Variants in PDE4D observed in about 807,000 individuals in gnomAD.
PDE4D encodes 3',5'-cyclic-AMP phosphodiesterase 4D.
In PDE4D, 24 loss-of-function variants were observed where a neutral mutation model predicts 87.4. The observed-to-expected ratio is 0.27, with a 90% CI of 0.20 to 0.39. PDE4D has a LOEUF of 0.39. PDE4D is among the 10% of genes least tolerant of loss of function. The pLI is 1.00. For synonymous variants in PDE4D, 384 were observed against 383.2 expected, an observed-to-expected ratio of 1.00 and a Z score of -0.02; for missense variants, 714 against 1,041.0, an observed-to-expected ratio of 0.69 and a Z score of 4.32.
intron 1 of PDE4D, among the ~76,000 whole-genome samples, chr5:59,413,457 C>CAAAAAAAAAAAAAAAAA (rs34074485): frequency 9.7e-4 from 53 of 54,422 alleles, no homozygotes; most frequent in East Asian, 4.3e-3. Flanking sequence ...GACTCCATCT[C>CAAAAAAAAAAAAAAAAA]AAAAAAAAAA....
chr5:60,462,988 T>C (rs1472102240), intron 1 of PDE4D, among the ~76,000 whole-genome samples: 1 of 152,108 alleles, frequency 6.6e-6, no homozygotes, highest in Non-Finnish European at 1.5e-5. Context: ...AGGTTGACAT[T>C]CCAAATAAAA....
intron 1 of PDE4D, among the ~76,000 whole-genome samples, chr5:60,306,779 G>C (rs1416000761): frequency 6.6e-6 from 1 of 152,010 alleles, no homozygotes; most frequent in African/African-American, 2.4e-5. Context: ...TGATGAAACT[G>C]ATCCAGAAAG....
chr5:59,871,118 A>G (rs1450393108), intron 1 of PDE4D, among the ~76,000 whole-genome samples: 2 of 152,204 alleles, frequency 1.3e-5, no homozygotes, highest in Non-Finnish European at 2.9e-5. Context: ...AATATGGCAA[A>G]GTTAAAGGAT....
chr5:59,880,828 A>AT (rs1253336725), intron 1 of PDE4D, among the ~76,000 whole-genome samples: 2 of 152,042 alleles, frequency 1.3e-5, no homozygotes, highest in African/African-American at 4.8e-5. Context: ...CCCTAAATAC[A>AT]TTTTTTTCTG....
At chr5:60,016,794 A>C (rs1175175400) in intron 2 of PDE4D, among the ~76,000 whole-genome samples, 1 of 152,144 alleles carries the variant, frequency 6.6e-6, no homozygotes, top group Non-Finnish European at 1.5e-5. Flanking sequence ...GAAACTTTCA[A>C]AGTCATCATG....
At chr5:60,107,105 C>T (rs201725610) in intron 2 of PDE4D, among the ~76,000 whole-genome samples, 2,813 of 143,420 alleles carry the variant, frequency 0.02, 78 homozygotes, top group African/African-American at 0.069. Flanking sequence ...ATTGATAGAC[C>T]GCTAGCAAGA....
At chr5:60,004,035 A>G (rs571433824) in intron 2 of PDE4D, among the ~76,000 whole-genome samples, 3 of 152,300 alleles carry the variant, frequency 2.0e-5, no homozygotes, top group African/African-American at 7.2e-5. Flanking sequence ...ATGTGCTTAA[A>G]AGAAATTAAA....
chr5:59,691,832 C>T (rs1751002908), intron 1 of PDE4D, among the ~76,000 whole-genome samples: 1 of 151,604 alleles, frequency 6.6e-6, no homozygotes, highest in Non-Finnish European at 1.5e-5. Context: ...TAATACTTTC[C>T]TTTCATTCAA....
At chr5:59,045,713 T>G (rs1324694223) in intron 5 of PDE4D, among the ~76,000 whole-genome samples, 1 of 152,120 alleles carries the variant, frequency 6.6e-6, no homozygotes, top group East Asian at 1.9e-4. Flanking sequence ...CAGGTAGGAC[T>G]ATATCTTCAA....
chr5:59,323,364 C>T (rs1775061369), intron 1 of PDE4D, among the ~76,000 whole-genome samples: 2 of 152,060 alleles, frequency 1.3e-5, no homozygotes, highest in South Asian at 4.1e-4. Flanking sequence ...TTCTATACCA[C>T]TTATTGGTTA....
At chr5:59,818,260 T>C (rs919952858) in intron 1 of PDE4D, among the ~76,000 whole-genome samples, 1 of 152,232 alleles carries the variant, frequency 6.6e-6, no homozygotes, top group Non-Finnish European at 1.5e-5. Context: ...GGCACGTTCC[T>C]TAAATCTCAT....
chr5:60,495,991 A>G (rs960871773), intron 1 of PDE4D, among the ~76,000 whole-genome samples: 20 of 152,222 alleles, frequency 1.3e-4, no homozygotes, highest in African/African-American at 4.8e-4. Context: ...TGAGTTTCAG[A>G]ATGGCTGAGT....
chr5:59,674,509 C>A (rs538067066), intron 1 of PDE4D, among the ~76,000 whole-genome samples: 55 of 152,278 alleles, frequency 3.6e-4, no homozygotes, highest in Non-Finnish European at 6.9e-4. Context: ...CAGGAAACAG[C>A]TTTTCACTTT....
intron 1 of PDE4D, among the ~76,000 whole-genome samples, chr5:60,475,143 C>A (rs192537120): frequency 6.6e-6 from 1 of 152,076 alleles, no homozygotes; most frequent in Admixed American, 6.5e-5. Context: ...TCTTCTCCCC[C>A]CTAATGTTAT....
Position 59,159,200 on chromosome 5 carries a change from C to A in PDE4D, c.808+21395G>T, listed in dbSNP as rs117674982. ...CCAGGCTGGAGTGCTGTGATCATAGCTCATTGCAGCCTAGACCTCTTGGGC... is the reference window on the plus strand; with the variant it reads ...CCAGGCTGGAGTGCTGTGATCATAGATCATTGCAGCCTAGACCTCTTGGGC... On this transcript the variant is annotated intron_variant, in intron 5 of 14. Coordinates refer to ENST00000340635, the MANE Select transcript of PDE4D (RefSeq NM_001104631.2). Among the ~76,000 whole-genome samples the A allele has an allele frequency of 4.4e-3, 666 of 152,210 alleles. 8 individuals carry two copies. The East Asian group carries it at 0.052, about 12-fold the overall frequency.
intron 1 of PDE4D, among the ~76,000 whole-genome samples, chr5:60,409,927 A>G (rs1345130191): frequency 6.6e-6 from 1 of 152,188 alleles, no homozygotes; most frequent in African/African-American, 2.4e-5. Flanking sequence ...TGTGCCTTAA[A>G]GACTCTTGTG....
chr5:60,123,878 C>G (rs1012266862), intron 2 of PDE4D, among the ~76,000 whole-genome samples: 2 of 152,020 alleles, frequency 1.3e-5, no homozygotes, highest in East Asian at 3.8e-4. Context: ...CTATAAAATT[C>G]CAAATAAATT....
chr5:59,356,558 T>C (rs928737736), intron 1 of PDE4D, among the ~76,000 whole-genome samples: 4 of 152,232 alleles, frequency 2.6e-5, no homozygotes, highest in African/African-American at 9.6e-5. Context: ...CTTTTAAAGT[T>C]AGTCAACTTC....
chr5:60,107,030 G>C (rs1473450634), intron 2 of PDE4D, among the ~76,000 whole-genome samples: 6 of 151,876 alleles, frequency 4.0e-5, no homozygotes, highest in African/African-American at 9.7e-5. Context: ...GAAGGAAATA[G>C]AGACACAAAA....
Sources: allele counts gnomAD v4.1 joint callset (sites outside exome capture counted in the v4.1 genomes callset), GRCh38; gene constraint gnomAD v4.1.1; transcripts MANE v1.5; gene names NCBI Gene and HGNC (gene_info 2026-07-23, HGNC 2026-07-21).